The following RARB variants were observed in gnomAD, a reference collection of about 807,000 sequenced individuals.
RARB encodes the protein HBV-activated protein.
RARB carries 17 observed loss-of-function variants against 51.9 expected under a neutral mutation model. That is an observed-to-expected ratio of 0.33 (90% CI 0.22 to 0.49). The LOEUF is 0.49. Among genes scored for constraint, RARB ranks in the 20% least tolerant of loss-of-function variants. The pLI is 0.99. For missense variants in RARB, 369 were observed against 550.8 expected, an observed-to-expected ratio of 0.67 and a Z score of 3.30; for synonymous variants, 215 against 195.4, an observed-to-expected ratio of 1.10 and a Z score of -0.84.
intron 5 of RARB, among the ~76,000 whole-genome samples, chr3:25,397,168 G>A (rs1707139038): frequency 6.6e-6 from 1 of 152,194 alleles, no homozygotes; most frequent in Non-Finnish European, 1.5e-5. Flanking sequence ...AAGGGTCCCT[G>A]TGAGAGAAAG....
intron 3 of RARB, among the ~76,000 whole-genome samples, chr3:25,073,948 T>C (rs1318093478): frequency 6.6e-6 from 1 of 152,202 alleles, no homozygotes; most frequent in Non-Finnish European, 1.5e-5. Context: ...TAAATCACGC[T>C]TTTATCCATC....
intron 3 of RARB, among the ~76,000 whole-genome samples, chr3:25,528,074 C>T (rs1153600): frequency 0.46 from 70,248 of 151,984 alleles, 18,880 homozygotes; most frequent in African/African-American, 0.73. Context: ...GTAATGTCTG[C>T]GGAGTTGGCA....
chr3:24,896,363 G>A (rs1703479157), intron 2 of RARB, among the ~76,000 whole-genome samples: 1 of 152,082 alleles, frequency 6.6e-6, no homozygotes, highest in Non-Finnish European at 1.5e-5. Context: ...AGGTTCAAGC[G>A]ATCCTCCTGC....
At chr3:24,854,216 G>C (rs2362767) in intron 1 of RARB, among the ~76,000 whole-genome samples, 109,566 of 152,172 alleles carry the variant, frequency 0.72, 40,669 homozygotes, top group East Asian at 0.97. Context: ...AACTCTCCTT[G>C]GACTTCTTTG....
intron 4 of RARB, among the ~76,000 whole-genome samples, chr3:25,132,752 T>C (rs7643587): frequency 0.43 from 64,865 of 151,532 alleles, 15,075 homozygotes; most frequent in East Asian, 0.7. Context: ...ATGAAATAAG[T>C]ATTTGAGGTG....
At chr3:25,254,361 T>C (rs1341349247) in intron 5 of RARB, among the ~76,000 whole-genome samples, 1 of 152,222 alleles carries the variant, frequency 6.6e-6, no homozygotes, top group East Asian at 1.9e-4. Flanking sequence ...TAATTTAGTC[T>C]TGGAGTTTCT....
At chr3:24,939,414 G>A (rs977638147) in intron 2 of RARB, among the ~76,000 whole-genome samples, 1 of 152,208 alleles carries the variant, frequency 6.6e-6, no homozygotes, top group Admixed American at 6.5e-5. Flanking sequence ...TTTTATAGAA[G>A]TGATAAATGC....
intron 1 of RARB, among the ~76,000 whole-genome samples, chr3:24,847,106 C>T (rs1441256011): frequency 6.6e-6 from 1 of 152,176 alleles, no homozygotes; most frequent in Non-Finnish European, 1.5e-5. Flanking sequence ...ACTCACTTCC[C>T]TGTGTTTTGG....
intron 5 of RARB, among the ~76,000 whole-genome samples, chr3:25,330,528 A>C (rs1448785463): frequency 6.6e-6 from 1 of 152,214 alleles, no homozygotes; most frequent in Non-Finnish European, 1.5e-5. Context: ...TAAACATGGA[A>C]AGGAACAACC....
intron 3 of RARB, among the ~76,000 whole-genome samples, chr3:25,097,099 G>A (rs976589362): frequency 6.6e-6 from 1 of 152,134 alleles, no homozygotes; most frequent in African/African-American, 2.4e-5. Flanking sequence ...TGACTTGAAA[G>A]ATAGAAGACT....
chr3:25,409,293 T>C, intron 5 of RARB, among the ~76,000 whole-genome samples: 1 of 152,182 alleles, frequency 6.6e-6, no homozygotes, highest in East Asian at 1.9e-4. Context: ...CAACTGACTT[T>C]TCTTTTGTCA....
At chr3:24,847,454 C>G (rs1456520160) in intron 1 of RARB, among the ~76,000 whole-genome samples, 1 of 152,198 alleles carries the variant, frequency 6.6e-6, no homozygotes, top group East Asian at 1.9e-4. Flanking sequence ...TTCTACTTTC[C>G]TTATGTGAAG....
chr3:25,223,886 G>T (rs1012545157), intron 5 of RARB, among the ~76,000 whole-genome samples: 3 of 151,968 alleles, frequency 2.0e-5, no homozygotes, highest in African/African-American at 7.3e-5. Context: ...CCCAGCTTTG[G>T]GATAACCAAC....
chr3:25,390,904 G>T (rs1155109), intron 5 of RARB, among the ~76,000 whole-genome samples: 129,688 of 151,812 alleles, frequency 0.85, 55,610 homozygotes, highest in East Asian at 0.98. Context: ...GATAATTTTT[G>T]TTTTAATTTC....
chr3:25,461,473 T>C (rs920061732), intron 2 of RARB, 132 bp downstream of exon 2: 1 of 1,090,766 alleles, frequency 9.2e-7, no homozygotes. Flanking sequence ...TCAGTTATAT[T>C]CAGTGGTTTT....
chr3:25,194,783 TA>T (rs1220409803), intron 5 of RARB, among the ~76,000 whole-genome samples: 1 of 151,870 alleles, frequency 6.6e-6, no homozygotes, highest in Non-Finnish European at 1.5e-5. Flanking sequence ...TATTAATTTT[TA>T]AAAAAGACTG....
chr3:25,261,854 A>G (rs1703006569), intron 5 of RARB, among the ~76,000 whole-genome samples: 1 of 152,094 alleles, frequency 6.6e-6, no homozygotes, highest in South Asian at 2.1e-4. Flanking sequence ...ACTATTCCCA[A>G]AATTCGGTGC....
Position 25,189,195 on chromosome 3 carries a change from A to G in RARB, c.178+14620A>G, listed in dbSNP as rs145394574. Among the ~76,000 whole-genome samples the G allele has an allele frequency of 3.6e-3, 552 of 152,238 alleles. 3 individuals carry two copies. Among genetic ancestry groups the G allele is most frequent in the African/African-American group, 0.013 (531 of 41,554 alleles). On this transcript the variant is annotated intron_variant, in intron 5 of 11. Coordinates refer to the RARB transcript ENST00000383772. Reference sequence around the variant, plus strand: ...AATGTAGGCTAAATTAATCATTCCAAAGGTCAGTCAGCAAAAGCAGGTCCC... The same window carrying G: ...AATGTAGGCTAAATTAATCATTCCAGAGGTCAGTCAGCAAAAGCAGGTCCC...
chr3:25,404,309 G>T (rs1470181135), intron 5 of RARB, among the ~76,000 whole-genome samples: 3 of 152,136 alleles, frequency 2.0e-5, no homozygotes, highest in Non-Finnish European at 4.4e-5. Flanking sequence ...TTCCGACAGG[G>T]TTAGCTTAAC....
Sources: allele counts gnomAD v4.1 joint callset (sites outside exome capture counted in the v4.1 genomes callset), GRCh38; gene constraint gnomAD v4.1.1; transcripts MANE v1.5; gene names NCBI Gene and HGNC (gene_info 2026-07-23, HGNC 2026-07-21).